STAT5B: variants seen among roughly 807,000 people sequenced by gnomAD.
The protein encoded by STAT5B is transcription factor STAT5B.
A neutral mutation model predicts 107.8 loss-of-function variants in STAT5B; 21 were observed. The observed-to-expected ratio is 0.19, with a 90% CI of 0.14 to 0.28. STAT5B has a LOEUF of 0.28. STAT5B is among the 10% of genes least tolerant of loss of function. STAT5B has a pLI of 1.00. For synonymous variants in STAT5B, 325 were observed against 401.7 expected, an observed-to-expected ratio of 0.81 and a Z score of 2.28; for missense variants, 565 against 1,008.2, an observed-to-expected ratio of 0.56 and a Z score of 5.95.
At chr17:42,202,641 G>C in intron 17 of STAT5B, 116 bp downstream of exon 17, 1 of 1,576,842 alleles carries the variant, frequency 6.3e-7, no homozygotes, top group Admixed American at 1.7e-5. Flanking sequence ...TCCTTCCCCA[G>C]GGCTGAGACA....
chr17:42,205,474 C>G (rs2080077830), intron 16 of STAT5B, among the ~76,000 whole-genome samples: 1 of 152,244 alleles, frequency 6.6e-6, no homozygotes, highest in South Asian at 2.1e-4. Context: ...GCTCAAGAGG[C>G]TCCAGCCTCC....
intron 16 of STAT5B, among the ~76,000 whole-genome samples, chr17:42,204,488 T>A (rs1389084625): frequency 6.6e-6 from 1 of 152,270 alleles, no homozygotes; most frequent in South Asian, 2.1e-4. Flanking sequence ...CTTATTACCC[T>A]AATCTTCTTC....
chr17:42,211,268 G>A (rs1423380882), intron 13 of STAT5B, among the ~76,000 whole-genome samples: 4 of 152,062 alleles, frequency 2.6e-5, no homozygotes, highest in African/African-American at 7.2e-5. Flanking sequence ...AGCACTTTGG[G>A]AGGCCGAGGC....
intron 1 of STAT5B, chr17:42,272,717 T>A (rs2080731335): frequency 6.6e-6 from 1 of 152,024 alleles, no homozygotes; most frequent in Non-Finnish European, 1.5e-5. Flanking sequence ...TGGACCTAAT[T>A]TTGAAAATAC....
At chr17:42,220,376 G>A (rs943640010) in intron 5 of STAT5B, among the ~76,000 whole-genome samples, 10 of 152,298 alleles carry the variant, frequency 6.6e-5, no homozygotes, top group East Asian at 3.9e-4. Flanking sequence ...TGTGAGGTTC[G>A]TGCTTCTTGG....
At chr17:42,250,909 G>A (rs2080493880) in intron 1 of STAT5B, among the ~76,000 whole-genome samples, 1 of 149,226 alleles carries the variant, frequency 6.7e-6, no homozygotes, top group Admixed American at 6.7e-5. Flanking sequence ...GGGTGATAGA[G>A]GGAAACTCTG....
chr17:42,223,568 T>TG lies in STAT5B; in HGVS notation c.376-13dup, dbSNP rs754187975. On this transcript the variant is annotated splice_polypyrimidine_tract_variant and intron_variant, in intron 4 of 18. Transcript: ENST00000293328. ...GCTGGAGAGCTACCCTGGGAACATA[T>TG]GGGGGGCAGTGCAAGGCAGTGCGAA... The TG allele has an allele frequency of 3.1e-6, 5 of 1,613,946 alleles. No individual in the cohort carries two copies. The South Asian group carries it at 4.4e-5, about 14-fold the overall frequency.
At chr17:42,255,230 A>G (rs2080532876) in intron 1 of STAT5B, among the ~76,000 whole-genome samples, 1 of 152,232 alleles carries the variant, frequency 6.6e-6, no homozygotes. Context: ...TCCAGTTCAT[A>G]ATCAGGCTGT....
chr17:42,209,075 C>A (rs1301840345), intron 15 of STAT5B, among the ~76,000 whole-genome samples: 1 of 146,120 alleles, frequency 6.8e-6, no homozygotes, highest in Non-Finnish European at 1.5e-5. Flanking sequence ...TACTCTGTTG[C>A]CCAGGCTGGA....
chr17:42,288,173 G>A, the STAT5B span: 1 of 152,204 alleles, frequency 6.6e-6, no homozygotes, highest in Non-Finnish European at 1.5e-5. The surrounding 1 kb of genome is among the most constrained non-coding windows in gnomAD (Gnocchi z 4.8). Flanking sequence ...CCAGAGCCCG[G>A]GATTTCCCGG....
rs757650048 is a variant in STAT5B, at chr17:42,218,775, G to A, written c.937C>T (p.Leu313=). 2 of 1,612,860 alleles carry A rather than the reference G, an allele frequency of 1.2e-6. No individual in the cohort carries two copies. The highest frequency in any genetic ancestry group is 1.7e-6 in the Non-Finnish European group (2 of 1,179,392). ...LPIPGPVEEM[L]AEVNATITDI... ...GTGATGGTGGCGTTGACCTCGGCCAGCATCTCCTCCACTGGGCCGGGGATG... is the reference window on the plus strand; with the variant it reads ...GTGATGGTGGCGTTGACCTCGGCCAACATCTCCTCCACTGGGCCGGGGATG... Residue 313 remains leucine, a synonymous_variant, in exon 8 of 19, where the codon CTG becomes TTG. Coordinates refer to ENST00000293328, the MANE Select transcript of STAT5B (RefSeq NM_012448.4).
At chr17:42,264,241 T>C (rs2080646714) in intron 1 of STAT5B, among the ~76,000 whole-genome samples, 1 of 152,010 alleles carries the variant, frequency 6.6e-6, no homozygotes, top group African/African-American at 2.4e-5. Context: ...AGTTTTAGGG[T>C]ACATGTGCAC....
rs959467895 is a variant in STAT5B, at chr17:42,227,758, CCTA to C, written c.129-76_129-74del. 14 of 1,497,386 alleles carry C rather than the reference CCTA, an allele frequency of 9.3e-6. No homozygotes were observed. In the African/African-American group the frequency reaches 1.9e-4, roughly 21 times the overall value. The allele number at this position is 1,497,386 out of a possible 1,614,324, so 92.8% of individuals were successfully genotyped here. On this transcript the variant is annotated intron_variant, in intron 2 of 18. Transcript: ENST00000293328. The stretch of plus-strand genomic sequence containing the variant: ...CTGTATAAATACAGCCTCAACACAT[CCTA>C]CTTTTTCTTCAACTAAAGTGATGTT...
chr17:42,241,660 C>T lies in STAT5B; in HGVS notation c.-10-9523G>A, dbSNP rs540873237. On this transcript the variant is annotated intron_variant, in intron 1 of 18. Transcript: ENST00000293328. ...GTTTTACCATGTTGGCCAGGCTGGT[C>T]TTGAACTCCTGACCTCAAGTGATCC... Among the ~76,000 whole-genome samples the T allele has an allele frequency of 3.3e-5, 5 of 152,218 alleles. No individual in the cohort carries two copies. The South Asian group carries it at 1.0e-3, about 32-fold the overall frequency.
chr17:42,265,803 A>G (rs2080665956), intron 1 of STAT5B, among the ~76,000 whole-genome samples: 1 of 152,194 alleles, frequency 6.6e-6, no homozygotes, highest in Admixed American at 6.5e-5. Flanking sequence ...TAGTCTTCAT[A>G]AATCTGTTAA....
At chr17:42,231,152 C>G (rs1220404226) in intron 2 of STAT5B, among the ~76,000 whole-genome samples, 1 of 151,942 alleles carries the variant, frequency 6.6e-6, no homozygotes, top group Non-Finnish European at 1.5e-5. Flanking sequence ...TCACACCTAT[C>G]TGCCCCATTA....
intron 1 of STAT5B, among the ~76,000 whole-genome samples, chr17:42,246,374 T>G (rs1401088796): frequency 6.6e-6 from 1 of 152,176 alleles, no homozygotes; most frequent in Non-Finnish European, 1.5e-5. Context: ...CATTCAGAAT[T>G]ATAAAGTAAA....
rs2080044993 is a variant in STAT5B at position 42,201,648 on chromosome 17, C to CA, written c.*89dup. On this transcript the variant is annotated 3_prime_UTR_variant, in exon 19 of 19. Coordinates refer to ENST00000293328, the MANE Select transcript of STAT5B (RefSeq NM_012448.4). Reference sequence around the variant, plus strand: ...ACACTTCACATTATGAGTATTGTTTCAAAAGAGAAGCGATTCATGGAATTA... The same window carrying CA: ...ACACTTCACATTATGAGTATTGTTTCAAAAAGAGAAGCGATTCATGGAATTA... 2 of 941,668 alleles carry CA rather than the reference C, an allele frequency of 2.1e-6. No homozygotes were observed. The highest frequency in any genetic ancestry group is 3.5e-6 in the Non-Finnish European group (2 of 569,914). The allele number at this position is 941,668 out of a possible 1,614,324, so 58.3% of individuals were successfully genotyped here.
At chr17:42,241,340 CAAAAA>C (rs774158422) in intron 1 of STAT5B, among the ~76,000 whole-genome samples, 1 of 72,542 alleles carries the variant, frequency 1.4e-5, no homozygotes, top group Admixed American at 1.6e-4. Context: ...AACTCCATCT[CAAAAA>C]AAAAAAAAAA....
Sources: allele counts gnomAD v4.1 joint callset (sites outside exome capture counted in the v4.1 genomes callset), GRCh38; gene constraint gnomAD v4.1.1; non-coding constraint Gnocchi (gnomAD v3.1); transcripts MANE v1.5; gene names NCBI Gene and HGNC (gene_info 2026-07-23, HGNC 2026-07-21).